Variants in MAF observed in about 807,000 individuals in gnomAD.
The protein encoded by MAF is MAF bZIP transcription factor, also known as transcription factor Maf.
A neutral mutation model predicts 22.0 loss-of-function variants in MAF; 10 were observed. The observed-to-expected ratio is 0.45, with a 90% CI of 0.28 to 0.77. MAF has a LOEUF of 0.77. MAF is among the 30% of genes least tolerant of loss of function. MAF has a pLI of 0.12. For synonymous variants in MAF, 337 were observed against 255.8 expected (o/e 1.32, Z -3.03); for missense variants, 544 against 548.4 (o/e 0.99, Z 0.08).
At chr16:79,325,350 T>A in the MAF span, among the ~76,000 whole-genome samples, 1 of 152,198 alleles carries the variant, frequency 6.6e-6, no homozygotes, top group African/African-American at 2.4e-5. Context: ...GATGCTCTGC[T>A]AAAAACGTTG....
chr16:79,380,544 A>G, the MAF span, among the ~76,000 whole-genome samples: 8,891 of 152,296 alleles, frequency 0.058, 350 homozygotes, highest in Non-Finnish European at 0.082. Context: ...TGGTTAGACT[A>G]TATCTTGTCT....
At chr16:79,574,585 C>T in the MAF span, among the ~76,000 whole-genome samples, 1 of 152,120 alleles carries the variant, frequency 6.6e-6, no homozygotes, top group African/African-American at 2.4e-5. Context: ...TGGAAGACCT[C>T]TGACCATAGC....
chr16:79,307,717 C>T, the MAF span, among the ~76,000 whole-genome samples: 133 of 152,286 alleles, frequency 8.7e-4, 4 homozygotes, highest in East Asian at 0.021. Flanking sequence ...TCTCCCCTCT[C>T]CCCATACCTG....
At chr16:79,323,919 G>C in the MAF span, among the ~76,000 whole-genome samples, 1 of 152,136 alleles carries the variant, frequency 6.6e-6, no homozygotes, top group East Asian at 1.9e-4. Context: ...GTCAGAGAGA[G>C]GTGGGTAGAT....
chr16:79,526,536 G>T, the MAF span, among the ~76,000 whole-genome samples: 40 of 152,280 alleles, frequency 2.6e-4, no homozygotes, highest in African/African-American at 9.6e-4. Flanking sequence ...AATATGCATA[G>T]ACATGTCTCC....
chr16:79,374,163 G>A, the MAF span, among the ~76,000 whole-genome samples: 19 of 152,232 alleles, frequency 1.2e-4, no homozygotes, highest in South Asian at 8.3e-4. Context: ...AATCCCGGTT[G>A]GTGCTTACTT....
At chr16:79,274,478 C>T in the MAF span, among the ~76,000 whole-genome samples, 2 of 152,050 alleles carry the variant, frequency 1.3e-5, no homozygotes, top group Non-Finnish European at 2.9e-5. Flanking sequence ...GGAGCTGCAC[C>T]CTGGAGACTC....
the MAF span, among the ~76,000 whole-genome samples, chr16:79,487,223 AT>A: frequency 1.0e-4 from 15 of 146,290 alleles, no homozygotes; most frequent in Admixed American, 8.2e-4. Context: ...AAAAAAAAAA[AT>A]TCCCATGTGA....
chr16:79,219,995 T>TA, the MAF span, among the ~76,000 whole-genome samples: 2 of 152,158 alleles, frequency 1.3e-5, no homozygotes, highest in African/African-American at 2.4e-5. Flanking sequence ...CTGTTTTTAT[T>TA]AAAAAATTAA....
At chr16:79,272,667 T>C in the MAF span, among the ~76,000 whole-genome samples, 1 of 152,258 alleles carries the variant, frequency 6.6e-6, no homozygotes, top group African/African-American at 2.4e-5. Flanking sequence ...CAAGAGCCGA[T>C]ACTCTGAGTT....
the MAF span, among the ~76,000 whole-genome samples, chr16:79,489,549 G>A: frequency 6.6e-6 from 1 of 152,198 alleles, no homozygotes; most frequent in African/African-American, 2.4e-5. Flanking sequence ...TTGGGGAACA[G>A]AAGTACCTAA....
At chr16:79,514,992 G>C in the MAF span, among the ~76,000 whole-genome samples, 2 of 152,306 alleles carry the variant, frequency 1.3e-5, no homozygotes, top group East Asian at 3.9e-4. Context: ...CCGTGCTCAA[G>C]TGAGCATGAA....
At chr16:79,427,976 A>G in the MAF span, among the ~76,000 whole-genome samples, 3 of 151,728 alleles carry the variant, frequency 2.0e-5, no homozygotes, top group Non-Finnish European at 4.4e-5. Flanking sequence ...TTGATTGCTC[A>G]TAGCTTCCAA....
At chr16:79,549,852 A>G in the MAF span, among the ~76,000 whole-genome samples, 5 of 152,180 alleles carry the variant, frequency 3.3e-5, no homozygotes, top group Non-Finnish European at 5.9e-5. Flanking sequence ...TTATGAAGTG[A>G]TCATTCCGTA....
the MAF span, among the ~76,000 whole-genome samples, chr16:79,578,397 C>T: frequency 6.6e-6 from 1 of 151,888 alleles, no homozygotes; most frequent in African/African-American, 2.4e-5. Flanking sequence ...AGGTGCATGC[C>T]GATATTTATA....
the MAF span, among the ~76,000 whole-genome samples, chr16:79,407,794 C>G: frequency 6.6e-6 from 1 of 152,078 alleles, no homozygotes; most frequent in Non-Finnish European, 1.5e-5. Context: ...CCAGTCGAGC[C>G]GCCCCACGAA....
chr16:79,545,980 C>T, the MAF span, among the ~76,000 whole-genome samples: 2 of 151,970 alleles, frequency 1.3e-5, no homozygotes, highest in Non-Finnish European at 2.9e-5. Context: ...TTAGCTATTT[C>T]ACAGTGTAAA....
the MAF span, among the ~76,000 whole-genome samples, chr16:79,398,977 T>C: frequency 6.6e-6 from 1 of 152,180 alleles, no homozygotes; most frequent in Non-Finnish European, 1.5e-5. Context: ...CTTACTGGAC[T>C]GTGGGTTCCA....
chr16:79,451,515 C>G, the MAF span, among the ~76,000 whole-genome samples: 1 of 152,176 alleles, frequency 6.6e-6, no homozygotes. Flanking sequence ...TCTGCCTAAG[C>G]TCTTTCAATG....
Sources: gnomAD v4.1 joint callset for allele counts (sites outside exome capture counted in the v4.1 genomes callset) on GRCh38, gnomAD v4.1.1 for gene constraint, MANE v1.5 for transcripts, NCBI Gene and HGNC (gene_info 2026-07-23, HGNC 2026-07-21) for gene names.